DSCAM: variants seen among roughly 807,000 people sequenced by gnomAD.
DSCAM encodes the protein cell adhesion molecule DSCAM.
DSCAM carries 47 observed loss-of-function variants against 217.7 expected under a neutral mutation model. That is an observed-to-expected ratio of 0.22 (90% CI 0.17 to 0.28). The LOEUF (loss-of-function observed/expected upper bound fraction) is 0.28. Among genes scored for constraint, DSCAM ranks in the 10% least tolerant of loss-of-function variants. The probability of loss-of-function intolerance (pLI) is 1.00; values close to 1 mark genes in which losing one functional copy is unlikely to be tolerated. For synonymous variants in DSCAM, 1,056 were observed against 1,015.3 expected, an observed-to-expected ratio of 1.04 and a Z score of -0.76; for missense variants, 2,080 against 2,618.3, an observed-to-expected ratio of 0.79 and a Z score of 4.49.
At chr21:40,790,340 C>T (rs879880128) in intron 1 of DSCAM, among the ~76,000 whole-genome samples, 1 of 152,060 alleles carries the variant, frequency 6.6e-6, no homozygotes, top group Admixed American at 6.5e-5. Context: ...CTCCGTCACA[C>T]CCAGCTAATT....
intron 3 of DSCAM, among the ~76,000 whole-genome samples, chr21:40,580,579 G>A (rs2076897241): frequency 6.6e-6 from 1 of 151,602 alleles, no homozygotes; most frequent in African/African-American, 2.4e-5. Context: ...TTAAAAAGAA[G>A]GTAGATTTTA....
At chr21:40,507,226 G>A (rs572463500) in intron 3 of DSCAM, among the ~76,000 whole-genome samples, 2 of 152,170 alleles carry the variant, frequency 1.3e-5, no homozygotes, top group South Asian at 2.1e-4. Flanking sequence ...GCAGTGAGCC[G>A]AGATCACGTC....
intron 17 of DSCAM, among the ~76,000 whole-genome samples, chr21:40,143,529 C>T (rs1182157004): frequency 1.3e-5 from 2 of 152,234 alleles, no homozygotes; most frequent in Non-Finnish European, 2.9e-5. Context: ...CGGTGGCTCA[C>T]GCCTCTAATC....
intron 20 of DSCAM, among the ~76,000 whole-genome samples, chr21:40,098,322 A>G (rs1254073264): frequency 1.3e-5 from 2 of 152,192 alleles, no homozygotes; most frequent in African/African-American, 4.8e-5. Context: ...AACAAAACTA[A>G]TGGAACTTCA....
chr21:40,312,734 G>A (rs543308898), intron 8 of DSCAM, among the ~76,000 whole-genome samples: 39 of 152,096 alleles, frequency 2.6e-4, no homozygotes, highest in Non-Finnish European at 4.6e-4. Flanking sequence ...CCTACTTTGC[G>A]ACTATGACAC....
At chr21:40,239,125 G>T (rs1196126185) in intron 11 of DSCAM, among the ~76,000 whole-genome samples, 1 of 152,146 alleles carries the variant, frequency 6.6e-6, no homozygotes. Flanking sequence ...TAGAAAGTCT[G>T]CTCCAAAGGT....
intron 3 of DSCAM, among the ~76,000 whole-genome samples, chr21:40,408,874 T>G (rs1332729502): frequency 6.6e-6 from 1 of 152,186 alleles, no homozygotes; most frequent in Non-Finnish European, 1.5e-5. Context: ...AATGAGACAT[T>G]TATTCTCTAA....
At chr21:40,344,646 A>C (rs2074538372) in intron 6 of DSCAM, among the ~76,000 whole-genome samples, 1 of 152,084 alleles carries the variant, frequency 6.6e-6, no homozygotes, top group Non-Finnish European at 1.5e-5. Context: ...ACCATTTGTT[A>C]TTGATGTCCT....
At chr21:40,439,573 T>C (rs1304729832) in intron 3 of DSCAM, among the ~76,000 whole-genome samples, 2 of 152,244 alleles carry the variant, frequency 1.3e-5, no homozygotes, top group Non-Finnish European at 2.9e-5. Context: ...ACATTGGAGC[T>C]GCCTAGCCAT....
At chr21:40,114,986 C>T (rs2089950154) in intron 20 of DSCAM, among the ~76,000 whole-genome samples, 1 of 152,176 alleles carries the variant, frequency 6.6e-6, no homozygotes, top group African/African-American at 2.4e-5. Flanking sequence ...CTAGTTCAAC[C>T]ATTGTGGAAG....
At chr21:40,538,106 C>T (rs972694931) in intron 3 of DSCAM, among the ~76,000 whole-genome samples, 2 of 152,122 alleles carry the variant, frequency 1.3e-5, no homozygotes, top group Non-Finnish European at 2.9e-5. Flanking sequence ...GCAGGGGCCA[C>T]TCAGTTGGGT....
intron 20 of DSCAM, among the ~76,000 whole-genome samples, chr21:40,095,738 A>C (rs1389330878): frequency 6.6e-6 from 1 of 152,258 alleles, no homozygotes; most frequent in Non-Finnish European, 1.5e-5. Flanking sequence ...ATAATTCATA[A>C]GAAGAAATCA....
chr21:40,464,998 C>T (rs1364185084), intron 3 of DSCAM, among the ~76,000 whole-genome samples: 1 of 152,038 alleles, frequency 6.6e-6, no homozygotes, highest in Non-Finnish European at 1.5e-5. Context: ...CTTGGCCTCC[C>T]GAAGTGCTGG....
At chr21:40,132,937 G>T (rs900936222) in intron 19 of DSCAM, among the ~76,000 whole-genome samples, 2 of 152,108 alleles carry the variant, frequency 1.3e-5, no homozygotes. Flanking sequence ...CAGCTTTCCC[G>T]CCCCTGTACT....
At chr21:40,544,002 G>A (rs772020673) in intron 3 of DSCAM, among the ~76,000 whole-genome samples, 41 of 152,226 alleles carry the variant, frequency 2.7e-4, no homozygotes, top group Non-Finnish European at 5.0e-4. Context: ...CTGTTCCATA[G>A]ACAGTAAGTG....
intron 3 of DSCAM, among the ~76,000 whole-genome samples, chr21:40,426,159 G>A (rs865789732): frequency 6.6e-6 from 1 of 152,214 alleles, no homozygotes; most frequent in South Asian, 2.1e-4. Context: ...GCAAAGCCAG[G>A]CACAATTGTC....
Position 40,164,337 on chromosome 21 carries a change from A to G in DSCAM, c.3018+2881T>C, listed in dbSNP as rs538455880. On this transcript the variant is annotated intron_variant, in intron 16 of 32. Coordinates refer to ENST00000400454, the MANE Select transcript of DSCAM (RefSeq NM_001389.5). ...ACAGGAGAGACGATGACACTTGTGG[A>G]CTGCTGCTTGGGTAGGTATCCCTGG... Among the ~76,000 whole-genome samples the G allele has an allele frequency of 4.3e-4, 66 of 152,248 alleles. 3 individuals carry two copies. In the South Asian group the frequency reaches 0.013, roughly 30 times the overall value.
intron 4 of DSCAM, among the ~76,000 whole-genome samples, chr21:40,362,627 A>G (rs527995443): frequency 6.6e-6 from 1 of 152,334 alleles, no homozygotes; most frequent in Non-Finnish European, 1.5e-5. Flanking sequence ...ATTCTGCAGA[A>G]TGAACTTTCC....
chr21:40,436,255 T>TA (rs563423306), intron 3 of DSCAM, among the ~76,000 whole-genome samples: 1 of 152,342 alleles, frequency 6.6e-6, no homozygotes, highest in East Asian at 1.9e-4. Context: ...TTTCTTCATC[T>TA]AAAAATAGTT....
Sources: gnomAD v4.1 joint callset for allele counts (sites outside exome capture counted in the v4.1 genomes callset) on GRCh38, gnomAD v4.1.1 for gene constraint, MANE v1.5 for transcripts, NCBI Gene and HGNC (gene_info 2026-07-23, HGNC 2026-07-21) for gene names.